RAPGEF4: variants seen among roughly 807,000 people sequenced by gnomAD.
RAPGEF4 encodes the protein Rap guanine nucleotide exchange factor 4, also known as RAP guanine-nucleotide-exchange factor (GEF) 4.
RAPGEF4 carries 66 observed loss-of-function variants against 147.9 expected under a neutral mutation model. That is an observed-to-expected ratio of 0.45 (90% CI 0.37 to 0.55). The LOEUF is 0.55. Among genes scored for constraint, RAPGEF4 ranks in the 20% least tolerant of loss-of-function variants. RAPGEF4 has a pLI of 0.00. For synonymous variants in RAPGEF4, 419 were observed against 442.7 expected, an observed-to-expected ratio of 0.95 and a Z score of 0.67; for missense variants, 1,071 against 1,257.3, an observed-to-expected ratio of 0.85 and a Z score of 2.24.
chr2:172,967,428 A>G lies in RAPGEF4; in HGVS notation c.988A>G (p.Met330Val). The change falls in exon 10 of 31, where the codon ATG becomes GTG. Residue 330 changes from methionine to valine, a missense_variant. Coordinates refer to ENST00000397081, the MANE Select transcript of RAPGEF4 (RefSeq NM_007023.4). ...SQMGPDAHMR[M>V]ILRKPPGQRT... is the part of the protein sequence containing the mutation. ...GATGGGCCCCGACGCCCACATGAGG[A>G]TGATCCTTCGCAAACCGTGAGTGAG... The G allele has an allele frequency of 2.5e-6, 4 of 1,611,506 alleles. No homozygotes were observed. The highest frequency in any genetic ancestry group is 3.4e-6 in the Non-Finnish European group (4 of 1,179,594).
At chr2:172,914,356 A>G (rs1683808261) in intron 4 of RAPGEF4, among the ~76,000 whole-genome samples, 1 of 96,122 alleles carries the variant, frequency 1.0e-5, no homozygotes, top group African/African-American at 4.2e-5. Context: ...TTTTTTGGAG[A>G]CAGAGTTTCA....
chr2:173,039,396 C>T (rs1559204834), intron 29 of RAPGEF4, among the ~76,000 whole-genome samples: 1 of 151,084 alleles, frequency 6.6e-6, no homozygotes, highest in African/African-American at 2.4e-5. Context: ...ACCCAGGGGG[C>T]GGAGCTTACA....
At chr2:172,916,380 ACCAGTCCT>A (rs1274063849) in intron 4 of RAPGEF4, among the ~76,000 whole-genome samples, 3 of 152,116 alleles carry the variant, frequency 2.0e-5, no homozygotes, top group African/African-American at 7.2e-5. Flanking sequence ...TTACAACATA[ACCAGTCCT>A]CCTCTGCTCT....
At position 173,036,179 on chromosome 2, in the gene RAPGEF4, C is replaced by T; in HGVS notation, c.2755C>T (p.Pro919Ser). The change falls in exon 28 of 31, where the codon CCT becomes TCT. Residue 919 changes from proline to serine, a missense_variant. Coordinates refer to ENST00000397081, the MANE Select transcript of RAPGEF4 (RefSeq NM_007023.4). The stretch of plus-strand genomic sequence containing the variant: ...GCTGACAGTAGCTAAGCTGGAACCT[C>T]CTCTCATCCCCTTCATGCCTTTGCT... ...YRLTVAKLEPPLIPFMPLLIK... is the reference protein window; with the variant it reads ...YRLTVAKLEPSLIPFMPLLIK... 1 of 1,612,728 alleles carries T rather than the reference C, an allele frequency of 6.2e-7. No individual in the cohort carries two copies. Among genetic ancestry groups the T allele is most frequent in the Non-Finnish European group, 8.5e-7 (1 of 1,179,136 alleles).
At position 172,818,560 on chromosome 2, in the gene RAPGEF4, C is replaced by T. The variant is rs150509548; in HGVS notation, c.444+4135C>T. On this transcript the variant is annotated intron_variant, in intron 4 of 30. Transcript: ENST00000397081. ...TGAGTGTTTACTTTTGAGGAATGTC[C>T]TGGTGGGCTCATTTCATGGCAGGCG... Among the ~76,000 whole-genome samples, 696 of 152,166 alleles carry T rather than the reference C, an allele frequency of 4.6e-3. 8 individuals are homozygous for T. The highest frequency in any genetic ancestry group is 0.013 in the African/African-American group (525 of 41,512).
chr2:172,892,223 G>A (rs1698004486), intron 4 of RAPGEF4, among the ~76,000 whole-genome samples: 1 of 152,198 alleles, frequency 6.6e-6, no homozygotes, highest in Admixed American at 6.5e-5. Flanking sequence ...CTGAGGTCCA[G>A]CTAGGACATC....
At chr2:172,897,732 C>CTATTTTATTTTTTTATTTTATTT (rs1698639690) in intron 4 of RAPGEF4, among the ~76,000 whole-genome samples, 1 of 134,140 alleles carries the variant, frequency 7.5e-6, no homozygotes, top group Non-Finnish European at 1.6e-5. Flanking sequence ...GAGTTTTCAT[C>CTATTTTATTTTTTTATTTTATTT]TATTTTATTT....
chr2:172,798,278 G>A (rs1444397411), intron 3 of RAPGEF4, among the ~76,000 whole-genome samples: 1 of 151,726 alleles, frequency 6.6e-6, no homozygotes, highest in Non-Finnish European at 1.5e-5. Context: ...AATTAAAAAA[G>A]AAAGAAAGAA....
chr2:172,887,306 A>G (rs1446741239), intron 4 of RAPGEF4, among the ~76,000 whole-genome samples: 3 of 152,236 alleles, frequency 2.0e-5, no homozygotes, highest in African/African-American at 7.2e-5. Flanking sequence ...TCCATATTCT[A>G]TGCTGCTGTT....
chr2:172,814,825 T>A (rs1688349740), intron 4 of RAPGEF4: 1 of 269,630 alleles, frequency 3.7e-6, no homozygotes, highest in Non-Finnish European at 7.3e-6. Context: ...GGGGTTAACA[T>A]CTGCTTCATT....
chr2:173,030,791 A>T (rs1697122344), intron 26 of RAPGEF4, among the ~76,000 whole-genome samples: 1 of 152,222 alleles, frequency 6.6e-6, no homozygotes, highest in Non-Finnish European at 1.5e-5. Flanking sequence ...ACAGTTGGCT[A>T]ATATTCAGTT....
chr2:172,949,265 G>T (rs1359319836), intron 6 of RAPGEF4, among the ~76,000 whole-genome samples: 1 of 152,084 alleles, frequency 6.6e-6, no homozygotes, highest in African/African-American at 2.4e-5. Context: ...AGCACCGCAG[G>T]GATTCTGAGA....
chr2:173,014,639 G>T (rs1382110726), intron 18 of RAPGEF4, 25 bp downstream of exon 18: 30 of 1,606,480 alleles, frequency 1.9e-5, no homozygotes, highest in Non-Finnish European at 2.3e-5. Context: ...TCTCTTCCAA[G>T]AATATACTGT....
intron 17 of RAPGEF4, among the ~76,000 whole-genome samples, chr2:173,013,620 C>A (rs1162953630): frequency 6.6e-6 from 1 of 152,124 alleles, no homozygotes; most frequent in Non-Finnish European, 1.5e-5. Flanking sequence ...GTAGAGCATA[C>A]AAGAATGGAC....
At chr2:173,030,114 T>C in intron 25 of RAPGEF4, 50 bp from the exon 26 acceptor site, 1 of 1,287,482 alleles carries the variant, frequency 7.8e-7, no homozygotes, top group Non-Finnish European at 1.1e-6. Context: ...ATTTTTTTTA[T>C]CTCACACAGA....
intron 15 of RAPGEF4, among the ~76,000 whole-genome samples, chr2:172,991,204 C>G (rs1692798755): frequency 6.6e-6 from 1 of 152,160 alleles, no homozygotes; most frequent in Non-Finnish European, 1.5e-5. Context: ...AGCTGTGGAA[C>G]AGAAGGCGTG....
chr2:172,784,314 C>T (rs1684974461), intron 1 of RAPGEF4, among the ~76,000 whole-genome samples: 1 of 152,058 alleles, frequency 6.6e-6, no homozygotes, highest in Non-Finnish European at 1.5e-5. Flanking sequence ...GTCTGGAGAT[C>T]GAGACCATCT....
At chr2:172,969,865 G>A (rs191270702) in intron 10 of RAPGEF4, among the ~76,000 whole-genome samples, 7 of 152,252 alleles carry the variant, frequency 4.6e-5, no homozygotes, top group African/African-American at 9.6e-5. Flanking sequence ...CCATTGAATC[G>A]CATGATCCCT....
chr2:172,862,774 A>AG (rs1694177849), intron 4 of RAPGEF4, among the ~76,000 whole-genome samples: 1 of 152,192 alleles, frequency 6.6e-6, no homozygotes, highest in African/African-American at 2.4e-5. Flanking sequence ...CTCTTGGGAG[A>AG]GGAAGTTTCC....
Sources: gnomAD v4.1 joint callset for allele counts (sites outside exome capture counted in the v4.1 genomes callset) on GRCh38, gnomAD v4.1.1 for gene constraint, MANE v1.5 for transcripts, NCBI Gene and HGNC (gene_info 2026-07-23, HGNC 2026-07-21) for gene names.